The following NCKAP5 variants were observed in gnomAD, a reference collection of about 807,000 sequenced individuals.
NCKAP5 encodes NCK associated protein 5, also known as nck-associated protein 5.
Under a neutral mutation model 167.0 loss-of-function variants are expected in NCKAP5, and 92 were observed. That is an observed-to-expected ratio of 0.55 (90% CI 0.47 to 0.66). The LOEUF (loss-of-function observed/expected upper bound fraction) is 0.66, where lower values mean the gene tolerates loss of function less well. Ranked by LOEUF, NCKAP5 falls within the 30% of genes least tolerant of loss-of-function variation. The probability of loss-of-function intolerance (pLI) is 0.00; values close to 1 mark genes in which losing one functional copy is unlikely to be tolerated. For synonymous variants in NCKAP5, 891 were observed against 877.4 expected (o/e 1.02, Z -0.27); for missense variants, 2,378 against 2,315.0 (o/e 1.03, Z -0.56).
intron 3 of NCKAP5, among the ~76,000 whole-genome samples, chr2:133,384,570 T>G (rs1686788175): frequency 6.6e-6 from 1 of 152,218 alleles, no homozygotes; most frequent in Non-Finnish European, 1.5e-5. Flanking sequence ...AATTTTAAAG[T>G]AGTTTTTTCC....
At chr2:133,453,011 T>C (rs1691644381) in intron 3 of NCKAP5, among the ~76,000 whole-genome samples, 1 of 152,168 alleles carries the variant, frequency 6.6e-6, no homozygotes. Context: ...GTTGAATAAG[T>C]GAATGTATAT....
At chr2:132,900,041 A>G (rs1446667421) in intron 8 of NCKAP5, among the ~76,000 whole-genome samples, 1 of 152,186 alleles carries the variant, frequency 6.6e-6, no homozygotes, top group Non-Finnish European at 1.5e-5. Flanking sequence ...AGAGCAAAGG[A>G]GACAGCAGAA....
At chr2:132,953,936 G>A (rs1407460768) in intron 8 of NCKAP5, among the ~76,000 whole-genome samples, 3 of 152,144 alleles carry the variant, frequency 2.0e-5, no homozygotes, top group African/African-American at 7.2e-5. Flanking sequence ...AAGAGACATG[G>A]CCTTTTCACG....
At chr2:133,016,942 C>T (rs1050010466) in intron 6 of NCKAP5, among the ~76,000 whole-genome samples, 16 of 152,330 alleles carry the variant, frequency 1.1e-4, no homozygotes, top group Non-Finnish European at 2.1e-4. Flanking sequence ...ATAATGCCTT[C>T]TACATTTCAA....
Position 132,722,218 on chromosome 2 carries a change from A to C in NCKAP5, c.5713+3409T>G, listed in dbSNP as rs188296498. Among the ~76,000 whole-genome samples, 311 of 152,272 alleles carry C rather than the reference A, an allele frequency of 2.0e-3. 3 individuals carry two copies. Among genetic ancestry groups the C allele is most frequent in the African/African-American group, 6.6e-3 (273 of 41,548 alleles). On this transcript the variant is annotated intron_variant, in intron 19 of 19. Transcript: ENST00000409261. ...TGCCCTCATACCCAGGTACTCTCTC[A>C]TGTGGAGTCAGTGAATTTGTTTTAA... is the stretch of plus-strand genomic sequence containing the variant.
At chr2:132,795,110 T>C (rs182112211) in intron 12 of NCKAP5, among the ~76,000 whole-genome samples, 1 of 152,306 alleles carries the variant, frequency 6.6e-6, no homozygotes, top group East Asian at 1.9e-4. Flanking sequence ...ATCCTCATTT[T>C]CTAAAAGGGA....
At chr2:133,307,425 A>G (rs1680858214) in intron 3 of NCKAP5, among the ~76,000 whole-genome samples, 1 of 152,250 alleles carries the variant, frequency 6.6e-6, no homozygotes, top group South Asian at 2.1e-4. Flanking sequence ...GATTATGTAC[A>G]TCAAAAGGAC....
intron 3 of NCKAP5, among the ~76,000 whole-genome samples, chr2:133,463,381 T>C (rs915933873): frequency 6.6e-6 from 1 of 152,188 alleles, no homozygotes; most frequent in South Asian, 2.1e-4. Flanking sequence ...GATTCACAAA[T>C]AGTGTTTTTG....
At position 132,784,672 on chromosome 2, in the gene NCKAP5, T is replaced by C. The variant is rs1425389003; in HGVS notation, c.2139A>G (p.Leu713=). The change falls in exon 14 of 20, where the codon TTA becomes TTG. Residue 713 remains leucine, a synonymous_variant. Coordinates refer to ENST00000409261, the MANE Select transcript of NCKAP5 (RefSeq NM_207363.3). ...GCTGTAAACAAGCAATTCCCTGAGG[T>C]AAAAGCTCAGTATGTTCTGCCTTGG... ...AGPKAEHTEL[L]PQGIACLQPR... is the part of the protein sequence containing the mutation. The C allele has an allele frequency of 6.2e-7, 1 of 1,614,002 alleles. No individual in the cohort carries two copies. Among genetic ancestry groups the C allele is most frequent in the Non-Finnish European group, 8.5e-7 (1 of 1,179,884 alleles).
chr2:133,123,533 G>C, intron 6 of NCKAP5: 1 of 264,736 alleles, frequency 3.8e-6, no homozygotes. Context: ...ACACAGAGCA[G>C]CAGATGAGAG....
intron 3 of NCKAP5, among the ~76,000 whole-genome samples, chr2:133,345,188 G>A (rs1001271953): frequency 2.0e-5 from 3 of 152,068 alleles, no homozygotes; most frequent in African/African-American, 7.2e-5. Flanking sequence ...CCCGGGAAAT[G>A]AGGAGCACCT....
chr2:133,018,739 A>C (rs1463124935), intron 6 of NCKAP5, among the ~76,000 whole-genome samples: 1 of 152,202 alleles, frequency 6.6e-6, no homozygotes, highest in Non-Finnish European at 1.5e-5. Context: ...TAAGGCTTTT[A>C]TGCAGTTTGC....
intron 6 of NCKAP5, among the ~76,000 whole-genome samples, chr2:133,080,455 T>C (rs1337123665): frequency 6.6e-6 from 1 of 152,162 alleles, no homozygotes. Context: ...TCACCTACTG[T>C]CTGTTTTGTA....
rs575917997 is a variant in NCKAP5 at position 133,270,059 on chromosome 2, T to C, written c.143+32978A>G. 8.5e-5 allele frequency among the ~76,000 whole-genome samples: 13 copies of C among 152,330 alleles called. No individual in the cohort carries two copies. The East Asian group carries it at 2.3e-3, about 27-fold the overall frequency. ...AGAATCAGCTTATATGGGTTAAGACTGGAATGCCTATTAAGTTAAATTTTA... is the reference window on the plus strand; with the variant it reads ...AGAATCAGCTTATATGGGTTAAGACCGGAATGCCTATTAAGTTAAATTTTA... On this transcript the variant is annotated intron_variant, in intron 4 of 19. Transcript: ENST00000409261.
intron 3 of NCKAP5, among the ~76,000 whole-genome samples, chr2:133,388,485 T>C (rs772121957): frequency 6.6e-6 from 1 of 152,126 alleles, no homozygotes; most frequent in Non-Finnish European, 1.5e-5. Flanking sequence ...TACTCGGGGG[T>C]CAGGGACCCA....
At chr2:132,856,775 T>A (rs1253639942) in intron 11 of NCKAP5, among the ~76,000 whole-genome samples, 1 of 152,138 alleles carries the variant, frequency 6.6e-6, no homozygotes, top group Non-Finnish European at 1.5e-5. Flanking sequence ...TCTGACTCAA[T>A]CCTAGGTGAG....
At chr2:132,933,391 T>A (rs771747787) in intron 8 of NCKAP5, among the ~76,000 whole-genome samples, 4 of 152,204 alleles carry the variant, frequency 2.6e-5, no homozygotes, top group Non-Finnish European at 4.4e-5. Flanking sequence ...CCTAGCACGG[T>A]GTCTAACATA....
chr2:133,589,294 G>T, the NCKAP5 span, among the ~76,000 whole-genome samples: 1 of 152,078 alleles, frequency 6.6e-6, no homozygotes, highest in South Asian at 2.1e-4. Context: ...GTAAATATGA[G>T]TGTGGAAGAA....
At chr2:133,509,839 C>G (rs554899375) in intron 3 of NCKAP5, among the ~76,000 whole-genome samples, 35 of 152,290 alleles carry the variant, frequency 2.3e-4, no homozygotes, top group African/African-American at 8.4e-4. Flanking sequence ...GCTGGGAAAC[C>G]CTGTTCTAGA....
Sources: allele counts gnomAD v4.1 joint callset (sites outside exome capture counted in the v4.1 genomes callset), GRCh38; gene constraint gnomAD v4.1.1; transcripts MANE v1.5; gene names NCBI Gene and HGNC (gene_info 2026-07-23, HGNC 2026-07-21).